MOV10L1: variants seen among roughly 807,000 people sequenced by gnomAD.
MOV10L1 encodes the protein Mov10 like RNA helicase 1.
In MOV10L1, 110 loss-of-function variants were observed where a neutral mutation model predicts 143.8. That is an observed-to-expected ratio of 0.76 (90% CI 0.66 to 0.90). The LOEUF is 0.90. Among genes scored for constraint, MOV10L1 ranks in the 40% least tolerant of loss-of-function variants. The pLI is 0.00. For synonymous variants in MOV10L1, 593 were observed against 581.1 expected (o/e 1.02, Z -0.29); for missense variants, 1,406 against 1,526.8 (o/e 0.92, Z 1.32).
intron 2 of MOV10L1, among the ~76,000 whole-genome samples, chr22:50,099,109 A>G (rs1012496563): frequency 1.3e-5 from 2 of 152,318 alleles, no homozygotes; most frequent in African/African-American, 2.4e-5. Flanking sequence ...AGGGATTGCT[A>G]TAGACTCAAT....
chr22:50,139,131 C>T (rs987217747), intron 15 of MOV10L1, among the ~76,000 whole-genome samples: 2 of 151,968 alleles, frequency 1.3e-5, no homozygotes, highest in Non-Finnish European at 2.9e-5. Flanking sequence ...CGGAAGATTC[C>T]ATATTATCAA....
chr22:50,101,109 T>A (rs1009529129), intron 3 of MOV10L1, among the ~76,000 whole-genome samples: 4 of 152,132 alleles, frequency 2.6e-5, no homozygotes, highest in African/African-American at 9.7e-5. Context: ...GGAAGATGAA[T>A]AGAAGTTTTC....
chr22:50,149,360 CCTT>C (rs753464405), intron 19 of MOV10L1: 1 of 489,226 alleles, frequency 2.0e-6, no homozygotes, highest in Non-Finnish European at 3.7e-6. Flanking sequence ...CGCTCCCACC[CCTT>C]CTTCCCTCCA....
intron 6 of MOV10L1, 72 bp downstream of exon 6, chr22:50,113,860 G>GTAAAACCAACTT: frequency 1.6e-6 from 2 of 1,243,382 alleles, no homozygotes; most frequent in Non-Finnish European, 2.1e-6. Context: ...AATAATTTCT[G>GTAAAACCAACTT]TAAAACCAAC....
chr22:50,090,094 G>A lies in MOV10L1; in HGVS notation c.6G>A (p.Leu2=). The change falls in exon 1 of 27, where the codon CTG becomes CTA. Residue 2 remains leucine (L), a synonymous_variant. Coordinates refer to ENST00000262794, the MANE Select transcript of MOV10L1 (RefSeq NM_018995.3). M[L]SLAAKLVAFF... is the part of the protein sequence containing the mutation. The stretch of plus-strand genomic sequence containing the variant: ...GCCTAGGCCGGGCGAGGGCCATGCT[G>A]AGCCTCGCAGCCAAGCTGGTGGCCT... 3 of 1,343,210 alleles carry A rather than the reference G, an allele frequency of 2.2e-6. No individual in the cohort carries two copies. The highest frequency in any genetic ancestry group is 4.1e-5 in the South Asian group (2 of 48,928). 83.2% of individuals were successfully genotyped at this position (1,343,210 alleles called of 1,614,324 possible).
chr22:50,133,576 T>C (rs1173826341), intron 13 of MOV10L1, among the ~76,000 whole-genome samples: 6 of 151,984 alleles, frequency 3.9e-5, no homozygotes, highest in Non-Finnish European at 4.4e-5. Flanking sequence ...AGTCTCACTC[T>C]GTCACCCAGG....
intron 8 of MOV10L1, among the ~76,000 whole-genome samples, chr22:50,116,289 T>TA (rs1210454525): frequency 3.4e-5 from 5 of 145,042 alleles, no homozygotes; most frequent in Non-Finnish European, 6.0e-5. Context: ...CTACTAAAAA[T>TA]AAAAAAAATT....
At chr22:50,128,611 C>T in intron 13 of MOV10L1, 104 bp downstream of exon 13, 1 of 638,564 alleles carries the variant, frequency 1.6e-6, no homozygotes, top group East Asian at 3.1e-5. Flanking sequence ...GTGGCGCAAT[C>T]TCGGCTCACT....
At chr22:50,149,300 C>T (rs1244981383) in intron 19 of MOV10L1, 4 of 332,978 alleles carry the variant, frequency 1.2e-5, no homozygotes, top group South Asian at 3.5e-5. Flanking sequence ...CAGGAGCCTG[C>T]GGCGCTTCTC....
At chr22:50,092,895 C>CTTTTTG (rs961444053) in intron 2 of MOV10L1, 1 of 152,026 alleles carries the variant, frequency 6.6e-6, no homozygotes, top group Non-Finnish European at 1.5e-5. Flanking sequence ...TTTTCTTTTT[C>CTTTTTG]TTTTTGTTTT....
At chr22:50,149,496 A>G in intron 19 of MOV10L1, 119 bp from the exon 20 acceptor site, 1 of 904,182 alleles carries the variant, frequency 1.1e-6, no homozygotes, top group African/African-American at 1.7e-5. Flanking sequence ...GCTCCTGCAC[A>G]CCCCTGGGCA....
intron 9 of MOV10L1, among the ~76,000 whole-genome samples, chr22:50,119,329 T>C (rs1017259378): frequency 1.3e-5 from 2 of 152,122 alleles, no homozygotes; most frequent in African/African-American, 4.8e-5. Context: ...CACGCGGGCA[T>C]TGGCGGGTGC....
At chr22:50,154,688 G>A (rs1395211000) in intron 22 of MOV10L1, among the ~76,000 whole-genome samples, 3 of 152,144 alleles carry the variant, frequency 2.0e-5, no homozygotes, top group Admixed American at 6.5e-5. Flanking sequence ...GAAGCCCCTC[G>A]TTCTCGTCGT....
At chr22:50,094,738 T>G (rs1434762976) in intron 2 of MOV10L1, 2 of 152,186 alleles carry the variant, frequency 1.3e-5, no homozygotes, top group African/African-American at 2.4e-5. Context: ...CGTATTGAGC[T>G]ATTAACTACT....
chr22:50,099,650 T>C, intron 3 of MOV10L1, 48 bp downstream of exon 3: 9 of 1,573,440 alleles, frequency 5.7e-6, no homozygotes, highest in Non-Finnish European at 7.8e-6. Flanking sequence ...GTTTTGTCTT[T>C]TAAAGAATTG....
At position 50,118,316 on chromosome 22, in the gene MOV10L1, A is replaced by G. The variant is rs757463401; in HGVS notation, c.1454+965A>G. On this transcript the variant is annotated intron_variant, in intron 9 of 26. Transcript: ENST00000262794. ...GAGCCTTGTTCTCATTGGTAAAATG[A>G]TAGTCCCTGCCTCGTGTGGTTTGAA... 8.7e-4 allele frequency among the ~76,000 whole-genome samples: 133 copies of G among 152,106 alleles called. 2 individuals carry two copies. The highest frequency in any genetic ancestry group is 1.9e-4 in the Non-Finnish European group (13 of 68,036).
rs538645484 is a variant in MOV10L1, at chr22:50,134,689, T to C, written c.2070+59T>C. The C allele has an allele frequency of 1.4e-4, 202 of 1,470,370 alleles. 1 individual carries two copies. The South Asian group carries it at 2.1e-3, about 15-fold the overall frequency. 91.1% of individuals were successfully genotyped at this position (1,470,370 alleles called of 1,614,324 possible). A position where few individuals can be genotyped will look rare whatever the true frequency, so the allele number is the denominator to read the frequency against. On this transcript the variant is annotated intron_variant, in intron 15 of 26. Transcript: ENST00000262794. ...GGGATGGCTCAGCGACGTGGCTGTC[T>C]TTACATAGGGGGTGGCTCAGCGGCG...
Position 50,130,429 on chromosome 22 carries a change from G to A in MOV10L1, c.1910+1922G>A, listed in dbSNP as rs1041195583. On this transcript the variant is annotated intron_variant, in intron 13 of 26. Coordinates refer to ENST00000262794, the MANE Select transcript of MOV10L1 (RefSeq NM_018995.3). ...CAGTATTTGGGCTACAGCCAGATTG[G>A]AATGTATTGAGAATGAATGAATGGA... Among the ~76,000 whole-genome samples the A allele has an allele frequency of 3.3e-5, 5 of 152,058 alleles. No individual in the cohort carries two copies. In the East Asian group the frequency reaches 9.6e-4, roughly 29 times the overall value.
intron 3 of MOV10L1, 114 bp downstream of exon 3, chr22:50,099,716 G>C (rs2062687801): frequency 6.2e-6 from 8 of 1,281,730 alleles, no homozygotes; most frequent in Admixed American, 2.4e-5. Flanking sequence ...GTCAGGCTGA[G>C]ACAGGAGGAT....
Sources: allele counts gnomAD v4.1 joint callset (sites outside exome capture counted in the v4.1 genomes callset), GRCh38; gene constraint gnomAD v4.1.1; transcripts MANE v1.5; gene names NCBI Gene and HGNC (gene_info 2026-07-23, HGNC 2026-07-21).